STARD13: variants seen among roughly 807,000 people sequenced by gnomAD.
STARD13 encodes stAR-related lipid transfer protein 13.
In STARD13, 62 loss-of-function variants were observed where a neutral mutation model predicts 106.4. The ratio of observed to expected loss-of-function variants is 0.58; its 90% CI spans 0.48 to 0.72. STARD13 has a LOEUF of 0.72. STARD13 is among the 30% of genes least tolerant of loss of function. STARD13 has a pLI of 0.00. For missense variants in STARD13, 1,387 were observed against 1,424.0 expected, an observed-to-expected ratio of 0.97 and a Z score of 0.42; for synonymous variants, 565 against 553.0, an observed-to-expected ratio of 1.02 and a Z score of -0.31.
At chr13:33,673,883 G>A in the STARD13 span, among the ~76,000 whole-genome samples, 2 of 147,264 alleles carry the variant, frequency 1.4e-5, no homozygotes, top group Admixed American at 6.8e-5. Flanking sequence ...TTTTTTCTGA[G>A]GAAGAGTCGC....
At chr13:33,508,323 C>G in the STARD13 span, among the ~76,000 whole-genome samples, 1 of 152,250 alleles carries the variant, frequency 6.6e-6, no homozygotes, top group South Asian at 2.1e-4. Context: ...GCTAACCCTG[C>G]GGATGCAGCC....
the STARD13 span, among the ~76,000 whole-genome samples, chr13:33,457,521 G>C: frequency 6.6e-6 from 1 of 152,200 alleles, no homozygotes; most frequent in Admixed American, 6.5e-5. Context: ...TATTAGGAGT[G>C]CAAGAATTCA....
Position 33,318,429 on chromosome 13 carries a change from A to C in STARD13, c.124+31861T>G, listed in dbSNP as rs114387161. On this transcript the variant is annotated intron_variant, in intron 1 of 5. Coordinates refer to the STARD13 transcript ENST00000567873. ...CTACCTTATAGCATATACACAAATA[A>C]ACTCAAAATGAATCAAAGCCCTAAG... is the stretch of plus-strand genomic sequence containing the variant. 4.9e-3 allele frequency among the ~76,000 whole-genome samples: 747 copies of C among 152,310 alleles called. 7 individuals carry two copies. The highest frequency in any genetic ancestry group is 0.017 in the African/African-American group (701 of 41,576).
the STARD13 span, among the ~76,000 whole-genome samples, chr13:33,457,679 A>T: frequency 6.6e-6 from 1 of 152,204 alleles, no homozygotes; most frequent in African/African-American, 2.4e-5. Flanking sequence ...GTGTCTGCTG[A>T]GTGCCCATTT....
At chr13:33,401,230 T>C in the STARD13 span, among the ~76,000 whole-genome samples, 2 of 152,180 alleles carry the variant, frequency 1.3e-5, no homozygotes, top group Admixed American at 6.5e-5. Context: ...AATTATTTAT[T>C]TAAACATTTT....
chr13:33,241,604 C>T (rs1033880741), intron 1 of STARD13, among the ~76,000 whole-genome samples: 6 of 150,656 alleles, frequency 4.0e-5, no homozygotes, highest in Non-Finnish European at 8.9e-5. Flanking sequence ...GAGGCTGGAC[C>T]ATACTGCCGC....
chr13:33,530,684 T>A, the STARD13 span, among the ~76,000 whole-genome samples: 1 of 152,212 alleles, frequency 6.6e-6, no homozygotes, highest in Non-Finnish European at 1.5e-5. Flanking sequence ...TGTGCTTCCA[T>A]CAAGAGGTAT....
chr13:33,574,505 G>A, the STARD13 span, among the ~76,000 whole-genome samples: 5 of 152,302 alleles, frequency 3.3e-5, no homozygotes, highest in African/African-American at 1.2e-4. Context: ...GGAGGCCCAG[G>A]TGGGAGGATT....
intron 1 of STARD13, among the ~76,000 whole-genome samples, chr13:33,290,994 T>C (rs1361888742): frequency 1.4e-5 from 2 of 147,068 alleles, no homozygotes; most frequent in South Asian, 2.1e-4. Flanking sequence ...ATTAATTAGA[T>C]TGGCTTGTTA....
chr13:33,182,177 A>G (rs887147689), intron 1 of STARD13, among the ~76,000 whole-genome samples: 1 of 152,220 alleles, frequency 6.6e-6, no homozygotes, highest in African/African-American at 2.4e-5. Flanking sequence ...TTATGTATGC[A>G]AGGAGATCTG....
chr13:33,126,114 T>C lies in STARD13; in HGVS notation c.2049A>G (p.Ala683=). The C allele has an allele frequency of 6.2e-7, 1 of 1,614,148 alleles. No individual in the cohort carries two copies. Among genetic ancestry groups the C allele is most frequent in the South Asian group, 1.1e-5 (1 of 91,076 alleles). The change falls in exon 7 of 14, where the codon GCA becomes GCG. Residue 683 remains alanine, a synonymous_variant. Coordinates refer to ENST00000336934, the MANE Select transcript of STARD13 (RefSeq NM_178006.4). ...GGCAGTTGCTGCGTAGATATCTCAG[T>C]GCTTGCTGAATACTTTGAGGCAGGG... The part of the protein sequence containing the change: ...GQPLPQSIQQ[A]LRYLRSNCLD...
chr13:33,352,258 T>C (rs2138628900), upstream of STARD13, among the ~76,000 whole-genome samples: 1 of 152,308 alleles, frequency 6.6e-6, no homozygotes, highest in African/African-American at 2.4e-5. Context: ...AACAAAATGC[T>C]CTGCAAAGAA....
chr13:33,530,268 T>C, the STARD13 span, among the ~76,000 whole-genome samples: 21,907 of 152,016 alleles, frequency 0.14, 1,869 homozygotes, highest in African/African-American at 0.23. Flanking sequence ...AGTCAAACTT[T>C]GCAAGAACTC....
chr13:33,127,626 C>A, intron 5 of STARD13, 80 bp from the exon 6 acceptor site: 1 of 1,380,634 alleles, frequency 7.2e-7, no homozygotes. Context: ...CCAAGGTACA[C>A]GCAGCTAATC....
At chr13:33,474,137 A>C in the STARD13 span, among the ~76,000 whole-genome samples, 1 of 152,024 alleles carries the variant, frequency 6.6e-6, no homozygotes, top group Admixed American at 6.6e-5. Context: ...CATGGGCCTC[A>C]TTTTCTGGTT....
At chr13:33,438,556 A>G in the STARD13 span, among the ~76,000 whole-genome samples, 1 of 152,336 alleles carries the variant, frequency 6.6e-6, no homozygotes, top group Admixed American at 6.5e-5. Flanking sequence ...ATTTCTCAGA[A>G]TGGCAAGAAC....
At chr13:33,415,628 C>T in the STARD13 span, among the ~76,000 whole-genome samples, 1 of 151,956 alleles carries the variant, frequency 6.6e-6, no homozygotes, top group Non-Finnish European at 1.5e-5. Flanking sequence ...TTATGTCTGT[C>T]TTTTGCTGCA....
intron 1 of STARD13, among the ~76,000 whole-genome samples, chr13:33,169,581 G>A (rs570288234): frequency 3.5e-4 from 53 of 152,344 alleles, no homozygotes; most frequent in South Asian, 1.5e-3. Context: ...AAGTCTTGGA[G>A]AGAAGCACAG....
At chr13:33,349,022 A>C in exon 2 of STARD13, 1 of 663,854 alleles carries the variant, frequency 1.5e-6, no homozygotes, top group Non-Finnish European at 2.8e-6. Flanking sequence ...ATGTGGGTGC[A>C]TGGGTTTAAG....
Sources: gnomAD v4.1 joint callset for allele counts (sites outside exome capture counted in the v4.1 genomes callset) on GRCh38, gnomAD v4.1.1 for gene constraint, MANE v1.5 for transcripts, NCBI Gene and HGNC (gene_info 2026-07-23, HGNC 2026-07-21) for gene names.